The following OGG1 variants were observed in gnomAD, a reference collection of about 807,000 sequenced individuals.
The protein encoded by OGG1 is N-glycosylase/DNA lyase.
A neutral mutation model predicts 42.3 loss-of-function variants in OGG1; 35 were observed. That is an observed-to-expected ratio of 0.83 (90% CI 0.63 to 1.10). The LOEUF (loss-of-function observed/expected upper bound fraction) is 1.10. OGG1 is among the 50% of genes least tolerant of loss of function. The probability of loss-of-function intolerance (pLI) is 0.00; values close to 1 mark genes in which losing one functional copy is unlikely to be tolerated. For missense variants in OGG1, 484 were observed against 446.7 expected (o/e 1.08, Z -0.75); for synonymous variants, 189 against 179.0 (o/e 1.06, Z -0.44).
downstream of OGG1, chr3:9,758,005 C>T (rs917664543): frequency 1.7e-6 from 2 of 1,203,936 alleles, no homozygotes; most frequent in East Asian, 2.6e-5. Flanking sequence ...CTCTACAAGG[C>T]TTTATTATAT....
intron 1 of OGG1, 28 bp from the exon 2 acceptor site, chr3:9,750,917 C>T (rs1353190182): frequency 6.2e-7 from 1 of 1,613,394 alleles, no homozygotes; most frequent in Non-Finnish European, 8.5e-7. Context: ...AAATTGAGTG[C>T]CAGGGTTGTC....
At chr3:9,759,715 G>A (rs1357998594), downstream of OGG1, 1 of 1,613,930 alleles carries the variant, frequency 6.2e-7, no homozygotes, top group Admixed American at 1.7e-5. Flanking sequence ...CTTTTCTCTG[G>A]GTCCTTCTCC....
rs2077223663 is a variant in OGG1, at chr3:9,750,087, C to G, written c.-200C>G. 4.5e-6 allele frequency: 3 copies of G among 669,358 alleles called. No individual in the cohort carries two copies. The highest frequency in any genetic ancestry group is 7.4e-6 in the Non-Finnish European group (3 of 403,304). The allele number at this position is 669,358 out of a possible 1,614,324, so 41.5% of individuals were successfully genotyped here. On this transcript the variant is annotated 5_prime_UTR_variant, in exon 1 of 7. Transcript: ENST00000344629. ...TCAGGAAAGCCGGAGAATTGGGGCA[C>G]GAAGCGGGGCTTTGATGACCCGCAA...
At chr3:9,755,837 TACAGCCTA>T (rs1388529773) in intron 4 of OGG1, among the ~76,000 whole-genome samples, 1 of 152,198 alleles carries the variant, frequency 6.6e-6, no homozygotes, top group Non-Finnish European at 1.5e-5. Context: ...GGCTTTGGAC[TACAGCCTA>T]ACATTAAATC....
At chr3:9,762,673 T>C (rs2077940881) in intron 7 of OGG1, among the ~76,000 whole-genome samples, 2 of 152,198 alleles carry the variant, frequency 1.3e-5, no homozygotes, top group Admixed American at 1.3e-4. Flanking sequence ...CCAGATTTTT[T>C]TTTTTTTAAT....
chr3:9,751,961 G>A lies in OGG1; in HGVS notation c.565+12G>A. On this transcript the variant is annotated intron_variant, in intron 3 of 6. Coordinates refer to ENST00000344629, the MANE Select transcript of OGG1 (RefSeq NM_002542.6). ...GCAGGCCCTGGCTGGTGAGTAGGTG[G>A]GTCCCCTGCCCCCAGGCCTTCCATC... is the stretch of plus-strand genomic sequence containing the variant. 6.2e-7 allele frequency: 1 copy of A among 1,613,024 alleles called. No homozygotes were observed.
At chr3:9,753,659 A>C (rs994971907) in intron 3 of OGG1, among the ~76,000 whole-genome samples, 9 of 151,662 alleles carry the variant, frequency 5.9e-5, no homozygotes, top group African/African-American at 1.2e-4. Flanking sequence ...GTCTCAACAA[A>C]AAAAAAAAGA....
At chr3:9,757,728 C>T, downstream of OGG1, 1 of 1,614,122 alleles carries the variant, frequency 6.2e-7, no homozygotes, top group Non-Finnish European at 8.5e-7. The surrounding 1 kb of genome is among the most constrained non-coding windows in gnomAD (Gnocchi z 4.5). Context: ...CCGCTCCTCA[C>T]CCCCAGCCAC....
chr3:9,782,036 C>G lies in OGG1; in HGVS notation c.382+436C>G, dbSNP rs1339853597. ...ATTTTTAGTAGAGAAGGGGGTCTGA[C>G]TACATTGCCCAGGCTAGTTTCGAAC... On this transcript the variant is annotated intron_variant, in intron 3 of 3. Transcript: ENST00000426518. Among the ~76,000 whole-genome samples the G allele has an allele frequency of 5.4e-4, 82 of 151,942 alleles. 2 individuals are homozygous for G. Among genetic ancestry groups the G allele is most frequent in the Non-Finnish European group, 1.2e-4 (8 of 67,974 alleles).
At chr3:9,766,044 G>T in exon 8 of OGG1, 1 of 1,603,816 alleles carries the variant, frequency 6.2e-7, no homozygotes, top group Non-Finnish European at 8.5e-7. Context: ...TCCAGAGATG[G>T]TCACATGACC....
Position 9,754,699 on chromosome 3 carries a change from C to G in OGG1, c.566-5C>G. On this transcript the variant is annotated splice_region_variant and splice_polypyrimidine_tract_variant and intron_variant, in intron 3 of 6. Coordinates refer to ENST00000344629, the MANE Select transcript of OGG1 (RefSeq NM_002542.6). ...GATGCTTGCCCTCCTCCTCACTCCC[C>G]GCAGGGCCAGAGGTGGAGGCTCATC... is the stretch of plus-strand genomic sequence containing the variant. 1 of 1,613,860 alleles carries G rather than the reference C, an allele frequency of 6.2e-7. No homozygotes were observed.
At chr3:9,770,849 C>T (rs1407892985), downstream of OGG1, among the ~76,000 whole-genome samples, 1 of 151,844 alleles carries the variant, frequency 6.6e-6, no homozygotes. Flanking sequence ...TGGGGGCAGC[C>T]GGAGGAGGCA....
chr3:9,774,920 A>G (rs760213830), intron 2 of OGG1, among the ~76,000 whole-genome samples: 1 of 152,130 alleles, frequency 6.6e-6, no homozygotes, highest in African/African-American at 2.4e-5. Context: ...AAGTAATCCT[A>G]AATTAGGACA....
intron 3 of OGG1, among the ~76,000 whole-genome samples, chr3:9,781,833 CTTTTTT>C (rs35246642): frequency 4.6e-5 from 4 of 86,890 alleles, no homozygotes; most frequent in African/African-American, 1.0e-4. Flanking sequence ...CCCATTACTT[CTTTTTT>C]TTTTTTTTTT....
At chr3:9,770,400 G>A (rs1308657246), downstream of OGG1, among the ~76,000 whole-genome samples, 2 of 152,234 alleles carry the variant, frequency 1.3e-5, no homozygotes, top group East Asian at 3.9e-4. Flanking sequence ...GGGGGAGTGA[G>A]GGAGTGGGGA....
chr3:9,767,894 A>G (rs2078199134), downstream of OGG1: 1 of 1,351,744 alleles, frequency 7.4e-7, no homozygotes, highest in South Asian at 1.6e-5. Context: ...TGATTCATCC[A>G]TTTGACAAAA....
At chr3:9,753,382 G>T (rs1178163614) in intron 3 of OGG1, among the ~76,000 whole-genome samples, 4 of 150,896 alleles carry the variant, frequency 2.7e-5, no homozygotes, top group African/African-American at 9.7e-5. Context: ...GCCGGGCGTG[G>T]TGGCTCACAC....
intron 2 of OGG1, chr3:9,780,439 C>A: frequency 6.2e-7 from 1 of 1,612,396 alleles, no homozygotes; most frequent in Non-Finnish European, 8.5e-7. Flanking sequence ...GGTGGGAGTC[C>A]GCTTCTTCTG....
intron 3 of OGG1, among the ~76,000 whole-genome samples, chr3:9,753,841 A>G (rs888859849): frequency 2.6e-5 from 4 of 152,238 alleles, no homozygotes; most frequent in Non-Finnish European, 5.9e-5. Context: ...GTAATGGGTT[A>G]AGAGCACGGC....
Sources: gnomAD v4.1 joint callset for allele counts (sites outside exome capture counted in the v4.1 genomes callset) on GRCh38, gnomAD v4.1.1 for gene constraint, Gnocchi (gnomAD v3.1) non-coding constraint, MANE v1.5 for transcripts, NCBI Gene and HGNC (gene_info 2026-07-23, HGNC 2026-07-21) for gene names.